The following ITGB3 variants were observed in gnomAD, a reference collection of about 807,000 sequenced individuals.
The protein encoded by ITGB3 is integrin beta-3.
ITGB3 carries 48 observed loss-of-function variants against 85.8 expected under a neutral mutation model. The ratio of observed to expected loss-of-function variants is 0.56; its 90% CI spans 0.44 to 0.71. The LOEUF is 0.71. ITGB3 is among the 30% of genes least tolerant of loss of function. The pLI is 0.00. For synonymous variants in ITGB3, 363 were observed against 395.6 expected (o/e 0.92, Z 0.98); for missense variants, 861 against 1,019.1 (o/e 0.84, Z 2.11).
intron 6 of ITGB3, 35 bp from the exon 7 acceptor site, chr17:47,289,646 G>A: frequency 2.1e-6 from 3 of 1,438,086 alleles, no homozygotes; most frequent in Non-Finnish European, 2.9e-6. Context: ...ATGTACATGA[G>A]ACGTCATTAA....
At chr17:47,284,750 G>C in intron 4 of ITGB3, 55 bp downstream of exon 4, 27 of 1,607,978 alleles carry the variant, frequency 1.7e-5, no homozygotes, top group Non-Finnish European at 2.3e-5. Flanking sequence ...GAAGGTCCAA[G>C]TCCTGGTTCC....
chr17:47,253,969 G>T (rs373747142), intron 1 of ITGB3, 29 bp downstream of exon 1: 5 of 1,351,688 alleles, frequency 3.7e-6, no homozygotes, highest in Non-Finnish European at 4.8e-6. Flanking sequence ...CGGCAGCGTC[G>T]CAGCTGCCCC....
At chr17:47,282,462 A>AGG (rs2065087264) in intron 2 of ITGB3, among the ~76,000 whole-genome samples, 1 of 152,236 alleles carries the variant, frequency 6.6e-6, no homozygotes, top group Non-Finnish European at 1.5e-5. Context: ...TAAGTACTGA[A>AGG]GGAGGGACTG....
chr17:47,307,548 C>T lies in ITGB3; in HGVS notation c.2212C>T (p.Leu738=), dbSNP rs1336361330. The T allele has an allele frequency of 6.2e-7, 1 of 1,614,232 alleles. No individual in the cohort carries two copies. The highest frequency in any genetic ancestry group is 1.1e-5 in the South Asian group (1 of 91,082). The change falls in exon 14 of 15, where the codon CTG becomes TTG. Residue 738 remains leucine (L), a synonymous_variant. Transcript: ENST00000559488. ...CATTCTGCTCATTGGCCTTGCCGCC[C>T]TGCTCATCTGGAAACTCCTCATCAC... ...GAILLIGLAA[L]LIWKLLITIH...
chr17:47,271,184 A>G (rs984600848), intron 1 of ITGB3, among the ~76,000 whole-genome samples: 1 of 152,208 alleles, frequency 6.6e-6, no homozygotes, highest in African/African-American at 2.4e-5. Flanking sequence ...GGCTGAGAGG[A>G]GTTAAATGAT....
chr17:47,296,891 C>T (rs113136378), intron 10 of ITGB3, among the ~76,000 whole-genome samples: 21 of 152,288 alleles, frequency 1.4e-4, no homozygotes, highest in African/African-American at 5.1e-4. Context: ...GAGACAGGAC[C>T]AGGCTGAGGA....
chr17:47,290,127 T>C (rs2065119227), intron 7 of ITGB3, 58 bp from the exon 8 acceptor site: 1 of 1,355,358 alleles, frequency 7.4e-7, no homozygotes, highest in East Asian at 2.3e-5. Flanking sequence ...TGGGGAGGGC[T>C]TTTGGAGACC....
At chr17:47,269,173 T>C (rs922791247) in intron 1 of ITGB3, among the ~76,000 whole-genome samples, 2 of 152,218 alleles carry the variant, frequency 1.3e-5, no homozygotes, top group African/African-American at 4.8e-5. Flanking sequence ...AACCATTTTT[T>C]CCTCTTAGGC....
chr17:47,307,670 A>AT, intron 14 of ITGB3, 33 bp downstream of exon 14: 1 of 1,606,622 alleles, frequency 6.2e-7, no homozygotes, highest in Non-Finnish European at 8.5e-7. Flanking sequence ...TTCTAAAGTC[A>AT]TTGGTCTGAG....
intron 8 of ITGB3, 121 bp downstream of exon 8, chr17:47,290,395 T>G (rs1480483843): frequency 1.2e-6 from 1 of 859,836 alleles, no homozygotes; most frequent in Admixed American, 1.7e-5. Context: ...GCCTTCTCCG[T>G]GTGCTCCCAG....
rs561797330 is a variant in ITGB3 at position 47,273,024 on chromosome 17, C to T, written c.80-1395C>T. On this transcript the variant is annotated intron_variant, in intron 1 of 14. Coordinates refer to ENST00000559488, the MANE Select transcript of ITGB3 (RefSeq NM_000212.3). ...TCCTGAACTCAAGTGATCCGCCTGC[C>T]TCGTCCTCCCAAAGTGGGGAGATTA... Among the ~76,000 whole-genome samples, 15 of 152,334 alleles carry T rather than the reference C, an allele frequency of 9.8e-5. No individual in the cohort carries two copies. The South Asian group carries it at 2.9e-3, about 29-fold the overall frequency.
At chr17:47,303,649 G>A (rs2065175766) in intron 13 of ITGB3, 1 of 152,212 alleles carries the variant, frequency 6.6e-6, no homozygotes, top group Admixed American at 6.5e-5. Context: ...AGGCTGCCCT[G>A]AACACTGAAA....
intron 8 of ITGB3, among the ~76,000 whole-genome samples, 167 bp from the exon 9 acceptor site, chr17:47,290,787 A>T (rs1030177185): frequency 6.6e-6 from 1 of 152,120 alleles, no homozygotes; most frequent in Non-Finnish European, 1.5e-5. Context: ...CAGGAAACAG[A>T]GTCCTAGGGG....
At chr17:47,278,978 G>A (rs1047810346) in intron 2 of ITGB3, among the ~76,000 whole-genome samples, 2 of 152,222 alleles carry the variant, frequency 1.3e-5, no homozygotes, top group Non-Finnish European at 2.9e-5. Context: ...ATGGATTTCA[G>A]TATAGTTAAC....
At chr17:47,278,535 G>A (rs1336232030) in intron 2 of ITGB3, among the ~76,000 whole-genome samples, 2 of 151,894 alleles carry the variant, frequency 1.3e-5, no homozygotes, top group South Asian at 2.1e-4. Context: ...AGCCAAGATC[G>A]TGCCATTGCA....
chr17:47,309,795 T>G lies in ITGB3; in HGVS notation c.2302-344T>G, dbSNP rs1017065535. 6.0e-5 allele frequency among the ~76,000 whole-genome samples: 9 copies of G among 150,054 alleles called. No homozygotes were observed. In the East Asian group the frequency reaches 1.8e-3, roughly 30 times the overall value. The stretch of plus-strand genomic sequence containing the variant: ...CTGTAGTCCCAGCTACTTGGGAGGC[T>G]GAGGTGGGAGGATGTCTTGAGTCAG... On this transcript the variant is annotated intron_variant, in intron 14 of 14. Transcript: ENST00000559488.
chr17:47,269,596 C>T (rs1196644340), intron 1 of ITGB3, among the ~76,000 whole-genome samples: 2 of 152,220 alleles, frequency 1.3e-5, no homozygotes, highest in Admixed American at 6.5e-5. Flanking sequence ...TTGTCCATAT[C>T]ACTGTCAGCA....
chr17:47,284,213 T>A (rs2065094409), intron 3 of ITGB3, among the ~76,000 whole-genome samples: 1 of 151,824 alleles, frequency 6.6e-6, no homozygotes, highest in Non-Finnish European at 1.5e-5. Context: ...GGATTAGAAA[T>A]CCCCTGGGAT....
chr17:47,310,138 G>T lies in ITGB3; in HGVS notation c.2302-1G>T. The T allele has an allele frequency of 6.2e-7, 1 of 1,613,840 alleles. No homozygotes were observed. The highest frequency in any genetic ancestry group is 8.5e-7 in the Non-Finnish European group (1 of 1,179,808). Reference sequence around the variant, plus strand: ...AAGATGCTATTCTGTTTCCTCCACAGGCCAACAACCCACTGTATAAAGAGG... The same window carrying T: ...AAGATGCTATTCTGTTTCCTCCACATGCCAACAACCCACTGTATAAAGAGG... On this transcript the variant is annotated splice_acceptor_variant, in intron 14 of 14. Transcript: ENST00000559488. LOFTEE classifies it high-confidence loss of function.
Sources: gnomAD v4.1 joint callset for allele counts (sites outside exome capture counted in the v4.1 genomes callset) on GRCh38, gnomAD v4.1.1 for gene constraint, MANE v1.5 for transcripts, NCBI Gene and HGNC (gene_info 2026-07-23, HGNC 2026-07-21) for gene names.